Variants in SEMA3E observed in about 807,000 individuals in gnomAD.
The protein encoded by SEMA3E is semaphorin-3E.
SEMA3E carries 49 observed loss-of-function variants against 93.6 expected under a neutral mutation model. That is an observed-to-expected ratio of 0.52 (90% CI 0.42 to 0.66). SEMA3E has a LOEUF of 0.66. SEMA3E is among the 30% of genes least tolerant of loss of function. The pLI is 0.00. For synonymous variants in SEMA3E, 363 were observed against 330.7 expected, an observed-to-expected ratio of 1.10 and a Z score of -1.06; for missense variants, 906 against 964.8, an observed-to-expected ratio of 0.94 and a Z score of 0.81.
intron 1 of SEMA3E, among the ~76,000 whole-genome samples, chr7:83,516,945 T>TTATATA (rs369210004): frequency 0.13 from 18,999 of 148,166 alleles, 1,600 homozygotes; most frequent in Middle Eastern, 0.29. Flanking sequence ...TAGCATATAT[T>TTATATA]TATATATATA....
chr7:83,399,780 C>T (rs1584221174), intron 11 of SEMA3E, among the ~76,000 whole-genome samples: 1 of 152,194 alleles, frequency 6.6e-6, no homozygotes, highest in African/African-American at 2.4e-5. Context: ...AAAAAAACCA[C>T]ATATTTTGTT....
At chr7:83,553,672 A>G (rs949699511) in intron 1 of SEMA3E, among the ~76,000 whole-genome samples, 2 of 152,212 alleles carry the variant, frequency 1.3e-5, no homozygotes, top group African/African-American at 4.8e-5. Flanking sequence ...ACTAGGGTTA[A>G]CTAAAAGGTT....
chr7:83,577,228 A>G (rs1792424001), intron 1 of SEMA3E, among the ~76,000 whole-genome samples: 1 of 152,240 alleles, frequency 6.6e-6, no homozygotes, highest in South Asian at 2.1e-4. Flanking sequence ...AGATAGATAG[A>G]TAGACAGATC....
rs527380383 is a variant in SEMA3E, at chr7:83,605,714, G to A, written c.115+42714C>T. On this transcript the variant is annotated intron_variant, in intron 1 of 16. Coordinates refer to ENST00000643230, the MANE Select transcript of SEMA3E (RefSeq NM_012431.3). ...CAAAGTGCTGGGATTACAGGTACGT[G>A]AGCCACTGTGCCTGGCCATAAATGT... Among the ~76,000 whole-genome samples the A allele has an allele frequency of 1.6e-4, 24 of 152,244 alleles. No homozygotes were observed. In the East Asian group the frequency reaches 3.1e-3, roughly 20 times the overall value.
intron 16 of SEMA3E, among the ~76,000 whole-genome samples, chr7:83,383,701 T>C (rs1787826207): frequency 6.6e-6 from 1 of 151,996 alleles, no homozygotes; most frequent in East Asian, 1.9e-4. Flanking sequence ...GAAAGAACCT[T>C]ATAATTGAAC....
intron 1 of SEMA3E, among the ~76,000 whole-genome samples, chr7:83,618,868 C>A (rs554936568): frequency 6.6e-6 from 1 of 151,900 alleles, no homozygotes; most frequent in South Asian, 2.1e-4. Context: ...AATGGTTTAT[C>A]AAATATCTTA....
chr7:83,455,604 C>G (rs1789462839), intron 4 of SEMA3E, among the ~76,000 whole-genome samples: 1 of 152,208 alleles, frequency 6.6e-6, no homozygotes, highest in Non-Finnish European at 1.5e-5. Context: ...TGTAGGCACA[C>G]CTGCGAATAC....
chr7:83,479,895 T>C (rs1790109900), intron 2 of SEMA3E, among the ~76,000 whole-genome samples: 1 of 152,076 alleles, frequency 6.6e-6, no homozygotes, highest in African/African-American at 2.4e-5. Flanking sequence ...TTGGCTTCAA[T>C]TGTTAAACAC....
At chr7:83,587,125 C>G (rs1443095400) in intron 1 of SEMA3E, among the ~76,000 whole-genome samples, 1 of 152,158 alleles carries the variant, frequency 6.6e-6, no homozygotes, top group Non-Finnish European at 1.5e-5. Flanking sequence ...ACAATATCAT[C>G]ACCTAAAGCA....
intron 4 of SEMA3E, among the ~76,000 whole-genome samples, chr7:83,419,221 CATG>C (rs984328490): frequency 1.3e-5 from 2 of 152,146 alleles, no homozygotes; most frequent in African/African-American, 4.8e-5. Context: ...CTGAAATGGA[CATG>C]ATTTCATTCT....
intron 5 of SEMA3E, among the ~76,000 whole-genome samples, chr7:83,410,171 C>A (rs1682492604): frequency 6.6e-6 from 1 of 151,774 alleles, no homozygotes. Flanking sequence ...TAAATACAAT[C>A]TATGGTTTCC....
intron 15 of SEMA3E, 35 bp downstream of exon 15, chr7:83,386,948 G>C: frequency 6.3e-7 from 1 of 1,586,106 alleles, no homozygotes; most frequent in Non-Finnish European, 8.7e-7. Flanking sequence ...TGTATTCTCT[G>C]AGTAACCCAG....
intron 1 of SEMA3E, chr7:83,612,548 T>C (rs1793286764): frequency 6.6e-6 from 1 of 152,104 alleles, no homozygotes. Context: ...GTGTTTTCAA[T>C]TGATTAGAAA....
intron 4 of SEMA3E, among the ~76,000 whole-genome samples, chr7:83,445,565 A>G (rs1789209943): frequency 6.6e-6 from 1 of 152,112 alleles, no homozygotes; most frequent in Non-Finnish European, 1.5e-5. Flanking sequence ...TAATAATACA[A>G]AAATTAGCTG....
intron 1 of SEMA3E, among the ~76,000 whole-genome samples, chr7:83,538,709 T>G (rs1791458730): frequency 6.6e-6 from 1 of 152,206 alleles, no homozygotes; most frequent in Non-Finnish European, 1.5e-5. Context: ...TATGTTATAT[T>G]GTTGTTGTTT....
At chr7:83,396,387 T>C (rs1193675728) in intron 12 of SEMA3E, among the ~76,000 whole-genome samples, 1 of 152,170 alleles carries the variant, frequency 6.6e-6, no homozygotes, top group East Asian at 1.9e-4. Flanking sequence ...GTAGTATAAA[T>C]GTTATTTCTT....
chr7:83,576,923 A>T (rs1407177885), intron 1 of SEMA3E, among the ~76,000 whole-genome samples: 1 of 152,142 alleles, frequency 6.6e-6, no homozygotes, highest in Non-Finnish European at 1.5e-5. Flanking sequence ...TGCCCAGCCA[A>T]CTCATCTATA....
chr7:83,593,656 A>G (rs1792807930), intron 1 of SEMA3E, among the ~76,000 whole-genome samples: 1 of 151,850 alleles, frequency 6.6e-6, no homozygotes, highest in Non-Finnish European at 1.5e-5. Context: ...GAAGAGAGAA[A>G]CAGGTTTGGG....
chr7:83,462,337 A>G (rs113094197), intron 4 of SEMA3E, among the ~76,000 whole-genome samples: 1,630 of 152,054 alleles, frequency 0.011, 29 homozygotes, highest in African/African-American at 0.037. Context: ...AACTTCTTAA[A>G]ACTCCCCAAC....
Sources: allele counts gnomAD v4.1 joint callset (sites outside exome capture counted in the v4.1 genomes callset), GRCh38; gene constraint gnomAD v4.1.1; transcripts MANE v1.5; gene names NCBI Gene and HGNC (gene_info 2026-07-23, HGNC 2026-07-21).